NUDT8: variants seen among roughly 807,000 people sequenced by gnomAD.
NUDT8 encodes the protein nudix hydrolase 8.
In NUDT8, 14 loss-of-function variants were observed where a neutral mutation model predicts 12.5. That is an observed-to-expected ratio of 1.12 (90% CI 0.74 to 1.75). NUDT8 has a LOEUF of 1.75. Ranked by LOEUF, NUDT8 falls within the 40% of genes most tolerant of loss-of-function variation. NUDT8 has a pLI of 0.00. For missense variants in NUDT8, 337 were observed against 318.5 expected (o/e 1.06, Z -0.44); for synonymous variants, 163 against 156.2 (o/e 1.04, Z -0.33).
In NUDT8 at chr11:67,628,935, C is replaced by T. The variant is rs772786742; in HGVS notation, c.311G>A (p.Arg104Gln). 44 of 1,610,918 alleles carry T rather than the reference C, an allele frequency of 2.7e-5. No homozygotes were observed. The highest frequency in any genetic ancestry group is 3.5e-5 in the Non-Finnish European group (41 of 1,178,726). The change falls in exon 2 of 4, where the codon CGG (arginine) becomes CAG (glutamine). Residue 104 changes from arginine to glutamine, a missense_variant. By Grantham distance (43) the Arg-to-Gln change is conservative (BLOSUM62 1). Coordinates refer to ENST00000376693, the MANE Select transcript of NUDT8 (RefSeq NM_001243750.2). ...GTGGCTTACCGGATCATACACAGGCCGCAGCAGGCCCCACACGTGCTCCTC... is the reference window on the plus strand; with the variant it reads ...GTGGCTTACCGGATCATACACAGGCTGCAGCAGGCCCCACACGTGCTCCTC... ...VPEEHVWGLL[R>Q]PVYDPQKATV...
At chr11:67,629,484 G>T in intron 1 of NUDT8, 1 of 406,358 alleles carries the variant, frequency 2.5e-6, no homozygotes. Flanking sequence ...GCGCAAGGAC[G>T]CGTACGAGGG....
At chr11:67,629,471 T>C in intron 1 of NUDT8, 1 of 405,348 alleles carries the variant, frequency 2.5e-6, no homozygotes, top group Non-Finnish European at 4.4e-6. Context: ...GGCCCAGGCG[T>C]GCGCGCAAGG....
In NUDT8 at chr11:67,628,367, C is replaced by A. The variant is rs777785524; in HGVS notation, c.361G>T (p.Val121Leu). The A allele has an allele frequency of 1.2e-6, 2 of 1,613,794 alleles. No homozygotes were observed. The highest frequency in any genetic ancestry group is 1.7e-6 in the Non-Finnish European group (2 of 1,179,998). Residue 121 changes from valine (V) to leucine (L), a missense_variant, in exon 3 of 4, where the codon GTA becomes TTA. Transcript: ENST00000376693. Reference sequence around the variant, plus strand: ...AGGCTCTGGGGATCCAGTGGGCCTACACCAGCAAGCACTGGCACCACGGTG... The same window carrying A: ...AGGCTCTGGGGATCCAGTGGGCCTAAACCAGCAAGCACTGGCACCACGGTG... ...KATVVPVLAG[V>L]GPLDPQSLRP...
intron 3 of NUDT8, 22 bp from the exon 4 acceptor site, chr11:67,628,273 G>C (rs1219373201): frequency 1.2e-5 from 20 of 1,613,414 alleles, no homozygotes; most frequent in Non-Finnish European, 1.7e-5. Context: ...AGGCAGAGAG[G>C]GTAGACAGAG....
chr11:67,628,493 C>T, intron 2 of NUDT8, 93 bp from the exon 3 acceptor site: 2 of 1,066,224 alleles, frequency 1.9e-6, no homozygotes, highest in Non-Finnish European at 2.8e-6. Context: ...CTTTGCCATG[C>T]ATAGGCCTTT....
At chr11:67,629,485 C>T (rs1348004288) in intron 1 of NUDT8, 4 of 407,354 alleles carry the variant, frequency 9.8e-6, no homozygotes, top group African/African-American at 2.1e-5. Flanking sequence ...CGCAAGGACG[C>T]GTACGAGGGG....
intron 1 of NUDT8, 82 bp from the exon 2 acceptor site, chr11:67,629,133 T>A (rs1015825216): frequency 7.0e-7 from 1 of 1,428,562 alleles, no homozygotes. Context: ...GGGGGGCCAC[T>A]GGCCCACCGA....
In NUDT8 at chr11:67,628,337, G is replaced by T; in HGVS notation, c.391C>A (p.Pro131Thr). 3 of 1,613,950 alleles carry T rather than the reference G, an allele frequency of 1.9e-6. No homozygotes were observed. Among genetic ancestry groups the T allele is most frequent in the Non-Finnish European group, 2.5e-6 (3 of 1,179,994 alleles). The change falls in exon 3 of 4, where the codon CCC becomes ACC. Residue 131 changes from proline to threonine, a missense_variant. By Grantham distance (38) the Pro-to-Thr change is conservative. Coordinates refer to ENST00000376693, the MANE Select transcript of NUDT8 (RefSeq NM_001243750.2). Reference protein sequence around the residue: ...VGPLDPQSLRPNSEEVDEVFA... With the variant: ...VGPLDPQSLRTNSEEVDEVFA... ...CCCCAGCTCACCTCCTCCGAGTTGG[G>T]CCTGAGGCTCTGGGGATCCAGTGGG...
Position 67,628,376 on chromosome 11 carries a change from G to A in NUDT8, c.352C>T (p.Leu118Phe). The A allele has an allele frequency of 1.9e-6, 3 of 1,613,870 alleles. No individual in the cohort carries two copies. Among genetic ancestry groups the A allele is most frequent in the Non-Finnish European group, 2.5e-6 (3 of 1,179,984 alleles). Residue 118 changes from leucine to phenylalanine, a missense_variant, in exon 3 of 4, where the codon CTT (leucine) becomes TTT (phenylalanine). Transcript: ENST00000376693. Reference protein sequence around the residue: ...DPQKATVVPVLAGVGPLDPQS... With the variant: ...DPQKATVVPVFAGVGPLDPQS... ...GGATCCAGTGGGCCTACACCAGCAA[G>A]CACTGGCACCACGGTGGCCTTTTGC...
chr11:67,628,996 G>A lies in NUDT8; in HGVS notation c.250C>T (p.Arg84Trp), dbSNP rs1363006677. The stretch of plus-strand genomic sequence containing the variant: ...AGGCCCAGCTCCTCCCGGGTTTCCC[G>A]CAGGGCCGTGTGCACCACATCTTGG... ...ADQDVVHTAL[R>W]ETREELGLAV... is the part of the protein sequence containing the mutation. Residue 84 changes from arginine to tryptophan, a missense_variant, in exon 2 of 4, where the codon CGG becomes TGG. Physicochemically the swap from Arg to Trp is moderately radical, Grantham distance 101 (BLOSUM62 -3). Coordinates refer to ENST00000376693, the MANE Select transcript of NUDT8 (RefSeq NM_001243750.2). The A allele has an allele frequency of 1.2e-6, 2 of 1,612,950 alleles. No individual in the cohort carries two copies. The highest frequency in any genetic ancestry group is 1.1e-5 in the South Asian group (1 of 91,052).
rs998144857 is a variant in NUDT8 at position 67,629,150 on chromosome 11, G to C, written c.195-99C>G. On this transcript the variant is annotated intron_variant, in intron 1 of 3. Transcript: ENST00000376693. Reference sequence around the variant, plus strand: ...GGGGCCACTGGCCCACCGAAGTGTCGCCTGCCTCTGCCCCTAGTTTACTGG... The same window carrying C: ...GGGGCCACTGGCCCACCGAAGTGTCCCCTGCCTCTGCCCCTAGTTTACTGG... 55 of 1,270,502 alleles carry C rather than the reference G, an allele frequency of 4.3e-5. No homozygotes were observed. In the South Asian group the frequency reaches 4.6e-4, roughly 11 times the overall value. 78.7% of individuals were successfully genotyped at this position (1,270,502 alleles called of 1,614,324 possible).
chr11:67,629,509 G>A (rs1024212162), intron 1 of NUDT8: 3 of 403,554 alleles, frequency 7.4e-6, no homozygotes, highest in African/African-American at 2.1e-5. Flanking sequence ...ACGCGGCGAG[G>A]ACGTGGCGCC....
At chr11:67,629,603 T>C (rs1321759439) in intron 1 of NUDT8, 115 bp downstream of exon 1, 16 of 509,278 alleles carry the variant, frequency 3.1e-5, no homozygotes, top group Non-Finnish European at 5.1e-5. Context: ...CCCAGACCCA[T>C]TTTACGGAGG....
At position 67,628,185 on chromosome 11, in the gene NUDT8, A is replaced by G; in HGVS notation, c.472T>C (p.Phe158Leu). 1 of 1,609,652 alleles carries G rather than the reference A, an allele frequency of 6.2e-7. No individual in the cohort carries two copies. The highest frequency in any genetic ancestry group is 1.1e-5 in the South Asian group (1 of 91,088). ...LQTQNQGYTHFCRGGHFRYTL... is the reference protein window; with the variant it reads ...LQTQNQGYTHLCRGGHFRYTL... ...TAGCGGAAGTGGCCACCCCGGCAGA[A>G]GTGGGTATAGCCCTGATTCTGCGTC... Residue 158 changes from phenylalanine to leucine, a missense_variant, in exon 4 of 4, where the codon TTC becomes CTC. Transcript: ENST00000376693.
At chr11:67,628,456 G>A (rs1855151154) in intron 2 of NUDT8, 56 bp from the exon 3 acceptor site, 1 of 1,480,958 alleles carries the variant, frequency 6.8e-7, no homozygotes, top group Non-Finnish European at 9.4e-7. Flanking sequence ...TTTGAAGGCT[G>A]GGGAGGGGAG....
Position 67,629,838 on chromosome 11 carries a change from A to C in NUDT8, c.74T>G (p.Leu25Arg), listed in dbSNP as rs1855182870. ...CGCGGCCGACGCGGGCCGCGCGCGG[A>C]GCCGGGCCGTGGCCCCTGCCAGCAG... Reference protein sequence around the residue: ...RRLLAGATARLRARPASAAVL... With the variant: ...RRLLAGATARRRARPASAAVL... Residue 25 changes from leucine to arginine, a missense_variant, in exon 1 of 4, where the codon CTC becomes CGC. By Grantham distance (102) the Leu-to-Arg change is moderately radical. Coordinates refer to ENST00000376693, the MANE Select transcript of NUDT8 (RefSeq NM_001243750.2). 1 of 1,322,804 alleles carries C rather than the reference A, an allele frequency of 7.6e-7. No homozygotes were observed. The highest frequency in any genetic ancestry group is 2.9e-4 in the Middle Eastern group (1 of 3,498). 81.9% of individuals were successfully genotyped at this position (1,322,804 alleles called of 1,614,324 possible). A position where few individuals can be genotyped will look rare whatever the true frequency, so the allele number is the denominator to read the frequency against.
At chr11:67,629,187 C>G in intron 1 of NUDT8, 136 bp from the exon 2 acceptor site, 1 of 924,350 alleles carries the variant, frequency 1.1e-6, no homozygotes, top group Non-Finnish European at 1.6e-6. Flanking sequence ...AGGCCCCAGG[C>G]AAGCCATGCG....
chr11:67,629,319 CGGCCTATGGT>C, intron 1 of NUDT8: 1 of 453,326 alleles, frequency 2.2e-6, no homozygotes, highest in Middle Eastern at 5.7e-4. Context: ...TACCCAAATT[CGGCCTATGGT>C]GGCCCCAGCA....
chr11:67,629,779 G>A lies in NUDT8; in HGVS notation c.133C>T (p.Pro45Ser), dbSNP rs1293544812. The A allele has an allele frequency of 6.5e-7, 1 of 1,535,976 alleles. No individual in the cohort carries two copies. Among genetic ancestry groups the A allele is most frequent in the Non-Finnish European group, 8.7e-7 (1 of 1,149,842 alleles). Residue 45 changes from proline to serine, a missense_variant, in exon 1 of 4, where the codon CCG (proline) becomes TCG (serine). By Grantham distance (74) the Pro-to-Ser change is moderately conservative (BLOSUM62 -1). Transcript: ENST00000376693. ...GACCGCAGCGTGTACAGCAGCGCCG[G>A]GACCCCACGCACTGAGCAGAGCGGC... ...LVPLCSVRGV[P>S]ALLYTLRSSR... is the part of the protein sequence containing the mutation.
Sources: allele counts gnomAD v4.1 joint callset, GRCh38; gene constraint gnomAD v4.1.1; transcripts MANE v1.5; gene names NCBI Gene and HGNC (gene_info 2026-07-23, HGNC 2026-07-21).